Variants in MARCHF10 observed in about 807,000 individuals in gnomAD.
MARCHF10 encodes membrane associated ring-CH-type finger 10, also known as probable E3 ubiquitin-protein ligase MARCHF10.
A neutral mutation model predicts 76.2 loss-of-function variants in MARCHF10; 64 were observed. The ratio of observed to expected loss-of-function variants is 0.84; its 90% CI spans 0.69 to 1.03. MARCHF10 has a LOEUF of 1.03. Ranked by LOEUF, MARCHF10 falls within the 50% of genes least tolerant of loss-of-function variation. The probability of loss-of-function intolerance (pLI) is 0.00; values close to 1 mark genes in which losing one functional copy is unlikely to be tolerated. For synonymous variants in MARCHF10, 340 were observed against 357.5 expected (o/e 0.95, Z 0.55); for missense variants, 875 against 958.0 (o/e 0.91, Z 1.14).
chr17:62,711,625 C>T lies in MARCHF10; in HGVS notation c.2215-281G>A, dbSNP rs189079178. ...CCATTCCACATTTATTGAGCAGTTA[C>T]ATATGCAAAGCCTTGAGCTGGATGT... On this transcript the variant is annotated intron_variant, in intron 8 of 10. Coordinates refer to ENST00000311269, the MANE Select transcript of MARCHF10 (RefSeq NM_152598.4). This position sits in a 1 kb window ranked among gnomAD's most constrained non-coding sequence, Gnocchi z 4.4. 1.7e-3 allele frequency among the ~76,000 whole-genome samples: 255 copies of T among 152,340 alleles called. 1 individual carries two copies. The highest frequency in any genetic ancestry group is 5.7e-3 in the African/African-American group (236 of 41,574).
chr17:62,716,207 G>A (rs1299940285), intron 8 of MARCHF10, among the ~76,000 whole-genome samples: 1 of 152,232 alleles, frequency 6.6e-6, no homozygotes, highest in African/African-American at 2.4e-5. Context: ...AGTCTTCGCT[G>A]CTGGTCGGTA....
At chr17:62,786,632 T>C (rs2092752781) in intron 3 of MARCHF10, among the ~76,000 whole-genome samples, 1 of 152,226 alleles carries the variant, frequency 6.6e-6, no homozygotes. Context: ...ATTACTATTA[T>C]GTATACAACC....
rs1245076278 is a variant in MARCHF10 at position 62,734,821 on chromosome 17, G to A, written c.1937+1110C>T. On this transcript the variant is annotated intron_variant, in intron 6 of 10. Coordinates refer to ENST00000311269, the MANE Select transcript of MARCHF10 (RefSeq NM_152598.4). ...TAATAGCTGTTTAATGCAAGACCAT[G>A]CCTGGAAGTGAATGCATTTTCAAAG... is the stretch of plus-strand genomic sequence containing the variant. 5.3e-5 allele frequency among the ~76,000 whole-genome samples: 8 copies of A among 152,310 alleles called. No individual in the cohort carries two copies. The East Asian group carries it at 1.3e-3, about 26-fold the overall frequency.
rs879380556 is a variant in MARCHF10, at chr17:62,711,914, C to G, written c.2215-570G>C. ...CATTCGTCTTGATCTTGCATATCAC[C>G]TTTTGCACTTGTTAACGTTTCCGCT... On this transcript the variant is annotated intron_variant, in intron 8 of 10. Transcript: ENST00000311269. The surrounding 1 kb of genome is among the most constrained non-coding windows in gnomAD (Gnocchi z 4.4). Among the ~76,000 whole-genome samples, 7 of 152,198 alleles carry G rather than the reference C, an allele frequency of 4.6e-5. No homozygotes were observed. The highest frequency in any genetic ancestry group is 8.8e-5 in the Non-Finnish European group (6 of 68,030).
chr17:62,737,135 G>A lies in MARCHF10; in HGVS notation c.733C>T (p.Pro245Ser). The A allele has an allele frequency of 6.2e-7, 1 of 1,614,078 alleles. No individual in the cohort carries two copies. The highest frequency in any genetic ancestry group is 8.5e-7 in the Non-Finnish European group (1 of 1,180,018). ...LSQAFQGKNS[P>S]QVLSEFSGPP... ...CCCGAGAACTCACTCAATACTTGAG[G>A]ACTATTTTTTCCTTGGAAGGCCTGG... Residue 245 changes from proline to serine, a missense_variant, in exon 6 of 11, where the codon CCT (proline) becomes TCT (serine). By Grantham distance (74) the Pro-to-Ser change is moderately conservative. Transcript: ENST00000311269.
chr17:62,734,736 A>G (rs2091188623), intron 6 of MARCHF10, among the ~76,000 whole-genome samples: 1 of 152,200 alleles, frequency 6.6e-6, no homozygotes, highest in Non-Finnish European at 1.5e-5. Context: ...AGAAAAGCAT[A>G]AAGTTTATTA....
In MARCHF10 at chr17:62,808,068, G is replaced by A. The variant is rs1598106190; in HGVS notation, c.-18+9C>T. ...TGGAGCGGAGCGGCGGGGGCGAGGGGGCCGTTACCTGTGGGTCTGCCCTTC... is the reference window on the plus strand; with the variant it reads ...TGGAGCGGAGCGGCGGGGGCGAGGGAGCCGTTACCTGTGGGTCTGCCCTTC... On this transcript the variant is annotated intron_variant, in intron 1 of 10. Transcript: ENST00000311269. 1 of 151,924 alleles carries A rather than the reference G, an allele frequency of 6.6e-6. No homozygotes were observed. The highest frequency in any genetic ancestry group is 3.4e-3 in the Middle Eastern group (1 of 292). The allele number at this position is 151,924 out of a possible 1,614,324, so 9.4% of individuals were successfully genotyped here. A position where few individuals can be genotyped will look rare whatever the true frequency, so the allele number is the denominator to read the frequency against.
At chr17:62,803,118 C>A (rs1166994868) in intron 1 of MARCHF10, among the ~76,000 whole-genome samples, 2 of 152,074 alleles carry the variant, frequency 1.3e-5, no homozygotes, top group Non-Finnish European at 2.9e-5. Flanking sequence ...AAGACCATTT[C>A]TATTTAAAAG....
intron 3 of MARCHF10, among the ~76,000 whole-genome samples, chr17:62,785,994 A>T (rs988751385): frequency 2.0e-5 from 3 of 152,190 alleles, no homozygotes; most frequent in African/African-American, 7.2e-5. Flanking sequence ...AGGATCTAGA[A>T]CTAGAAATAC....
Position 62,736,914 on chromosome 17 carries a change from T to C in MARCHF10, c.954A>G (p.Arg318=), listed in dbSNP as rs1200286644. The C allele has an allele frequency of 6.2e-7, 1 of 1,614,124 alleles. No individual in the cohort carries two copies. Among genetic ancestry groups the C allele is most frequent in the African/African-American group, 1.3e-5 (1 of 75,048 alleles). Residue 318 remains arginine (R), a synonymous_variant, in exon 6 of 11, where the codon AGA becomes AGG. Coordinates refer to ENST00000311269, the MANE Select transcript of MARCHF10 (RefSeq NM_152598.4). ...CCTGAGGGGTCGATGTCCCCCCAAA[T>C]CTACTTCTTTTGTGATGGGAAGGAG... is the stretch of plus-strand genomic sequence containing the variant. ...PCSPSHHKRS[R]FGGTSTPQAK...
rs540186395 is a variant in MARCHF10 at position 62,796,881 on chromosome 17, C to T, written c.90+4765G>A. Reference sequence around the variant, plus strand: ...GGTAGCACATGCTTGTGGTTCCAGCCACTCAGGAGGCTGAGGTGGGAGGAT... The same window carrying T: ...GGTAGCACATGCTTGTGGTTCCAGCTACTCAGGAGGCTGAGGTGGGAGGAT... On this transcript the variant is annotated intron_variant, in intron 2 of 10. Coordinates refer to ENST00000311269, the MANE Select transcript of MARCHF10 (RefSeq NM_152598.4). Among the ~76,000 whole-genome samples the T allele has an allele frequency of 4.6e-5, 7 of 152,040 alleles. 1 individual carries two copies. The highest frequency in any genetic ancestry group is 1.0e-4 in the Non-Finnish European group (7 of 68,006).
intron 5 of MARCHF10, among the ~76,000 whole-genome samples, chr17:62,739,368 A>C (rs1191573768): frequency 2.6e-5 from 4 of 151,752 alleles, no homozygotes; most frequent in Non-Finnish European, 4.4e-5. Context: ...TTGGCAGTGC[A>C]GGCTTTGGCT....
intron 1 of MARCHF10, among the ~76,000 whole-genome samples, chr17:62,803,419 C>T (rs564494017): frequency 6.6e-6 from 1 of 152,100 alleles, no homozygotes; most frequent in East Asian, 1.9e-4. Context: ...TCATAGTAAT[C>T]TAGATGTGAT....
At chr17:62,730,787 G>C (rs1371732953) in intron 6 of MARCHF10, among the ~76,000 whole-genome samples, 1 of 151,918 alleles carries the variant, frequency 6.6e-6, no homozygotes, top group Non-Finnish European at 1.5e-5. Context: ...CCAGCTACTC[G>C]GGAGGCTGAG....
At position 62,736,690 on chromosome 17, in the gene MARCHF10, C is replaced by T; in HGVS notation, c.1178G>A (p.Ser393Asn). The change falls in exon 6 of 11, where the codon AGT becomes AAT. Residue 393 changes from serine to asparagine, a missense_variant. By Grantham distance (46) the Ser-to-Asn change is conservative. Coordinates refer to ENST00000311269, the MANE Select transcript of MARCHF10 (RefSeq NM_152598.4). ...ESATEKDRGG[S>N]ENAKKSPLSW... Reference sequence around the variant, plus strand: ...AAGAGGGCTCTTTTTCGCATTTTCACTGCCACCTCTGTCCTTCTCTGTAGC... The same window carrying T: ...AAGAGGGCTCTTTTTCGCATTTTCATTGCCACCTCTGTCCTTCTCTGTAGC... 1.2e-6 allele frequency: 2 copies of T among 1,614,148 alleles called. No homozygotes were observed. Among genetic ancestry groups the T allele is most frequent in the Non-Finnish European group, 1.7e-6 (2 of 1,180,034 alleles).
intron 6 of MARCHF10, among the ~76,000 whole-genome samples, chr17:62,733,591 A>G (rs1277964038): frequency 6.6e-6 from 1 of 152,204 alleles, no homozygotes; most frequent in Non-Finnish European, 1.5e-5. Context: ...CCACTCCTAG[A>G]CAAGATCCCA....
chr17:62,730,879 C>G (rs1033661871), intron 6 of MARCHF10, among the ~76,000 whole-genome samples: 1 of 150,324 alleles, frequency 6.7e-6, no homozygotes, highest in African/African-American at 2.5e-5. Context: ...GGCAACAGAG[C>G]GAGACTCCAT....
chr17:62,764,569 G>A (rs2092285486), intron 3 of MARCHF10, among the ~76,000 whole-genome samples: 1 of 151,862 alleles, frequency 6.6e-6, no homozygotes, highest in Non-Finnish European at 1.5e-5. Flanking sequence ...TTTAAACAGT[G>A]ACAACATGGG....
intron 5 of MARCHF10, 96 bp downstream of exon 5, chr17:62,744,280 G>T: frequency 1.5e-6 from 2 of 1,330,162 alleles, no homozygotes; most frequent in Non-Finnish European, 2.1e-6. Flanking sequence ...TTACTTAAAA[G>T]TACAAGTATC....
Sources: allele counts gnomAD v4.1 joint callset (sites outside exome capture counted in the v4.1 genomes callset), GRCh38; gene constraint gnomAD v4.1.1; non-coding constraint Gnocchi (gnomAD v3.1); transcripts MANE v1.5; gene names NCBI Gene and HGNC (gene_info 2026-07-23, HGNC 2026-07-21).